Variants in STK3 observed in about 807,000 individuals in gnomAD.
The protein encoded by STK3 is serine/threonine-protein kinase 3.
Under a neutral mutation model 58.0 loss-of-function variants are expected in STK3, and 41 were observed. That is an observed-to-expected ratio of 0.71 (90% CI 0.55 to 0.92). The LOEUF is 0.92. Among genes scored for constraint, STK3 ranks in the 40% least tolerant of loss-of-function variants. The pLI is 0.00. For synonymous variants in STK3, 170 were observed against 191.0 expected (o/e 0.89, Z 0.91); for missense variants, 479 against 602.7 (o/e 0.79, Z 2.15).
chr8:98,416,105 C>T (rs147400469), intron 3 of STK3, among the ~76,000 whole-genome samples: 2 of 152,302 alleles, frequency 1.3e-5, no homozygotes, highest in African/African-American at 4.8e-5. Flanking sequence ...CCATTCAATG[C>T]TCTGGCCCAT....
intron 6 of STK3, among the ~76,000 whole-genome samples, chr8:98,659,071 G>C (rs970769091): frequency 3.0e-4 from 45 of 151,926 alleles, no homozygotes; most frequent in African/African-American, 1.0e-3. Flanking sequence ...ATATACCCTA[G>C]GTGTACAGAC....
intron 8 of STK3, among the ~76,000 whole-genome samples, chr8:98,574,844 A>C (rs561513741): frequency 6.6e-6 from 1 of 152,296 alleles, no homozygotes; most frequent in South Asian, 2.1e-4. Context: ...AACTATCCTG[A>C]GGTAGGAATA....
chr8:98,662,248 A>G (rs926107075), intron 6 of STK3, among the ~76,000 whole-genome samples: 1 of 152,202 alleles, frequency 6.6e-6, no homozygotes, highest in African/African-American at 2.4e-5. Context: ...TTTACTTTGT[A>G]ATCAGTAAAA....
At chr8:98,525,130 G>A (rs963498587) in intron 10 of STK3, among the ~76,000 whole-genome samples, 3 of 152,140 alleles carry the variant, frequency 2.0e-5, no homozygotes, top group African/African-American at 7.2e-5. Flanking sequence ...CAACATGGAT[G>A]GAACTGGTAG....
intron 4 of STK3, among the ~76,000 whole-genome samples, chr8:98,745,309 G>T (rs1002919000): frequency 5.3e-5 from 8 of 152,284 alleles, no homozygotes; most frequent in African/African-American, 1.7e-4. Flanking sequence ...AACTGGATTT[G>T]TCAGTGTCTT....
intron 6 of STK3, chr8:98,601,450 C>CT (rs1388056041): frequency 6.6e-5 from 10 of 152,108 alleles, no homozygotes; most frequent in African/African-American, 2.4e-4. Flanking sequence ...ACTTAAAGAA[C>CT]TTTATCACAA....
chr8:98,767,458 C>A, intron 2 of STK3, 87 bp from the exon 3 acceptor site: 1 of 1,258,310 alleles, frequency 7.9e-7, no homozygotes, highest in Non-Finnish European at 1.1e-6. Flanking sequence ...TGTGGATAGT[C>A]TTTTCTAGTT....
At chr8:98,641,912 T>C (rs1033173017) in intron 6 of STK3, among the ~76,000 whole-genome samples, 1 of 152,182 alleles carries the variant, frequency 6.6e-6, no homozygotes, top group African/African-American at 2.4e-5. Flanking sequence ...TTGTCTTTCT[T>C]AGAGGTAAAT....
intron 6 of STK3, among the ~76,000 whole-genome samples, chr8:98,622,808 A>C (rs1192251121): frequency 1.3e-5 from 2 of 152,250 alleles, no homozygotes; most frequent in Non-Finnish European, 2.9e-5. Context: ...TAAGAAATAG[A>C]AATTGCTCTG....
chr8:98,546,370 G>A lies in STK3; in HGVS notation c.1141+1599C>T, dbSNP rs374231567. Reference sequence around the variant, plus strand: ...ATCTAAATGAATTAGATTCTATAAAGACTCATTTTTCTTAACTATTATATA... The same window carrying A: ...ATCTAAATGAATTAGATTCTATAAAAACTCATTTTTCTTAACTATTATATA... On this transcript the variant is annotated intron_variant, in intron 9 of 10. Coordinates refer to ENST00000419617, the MANE Select transcript of STK3 (RefSeq NM_006281.4). 9.9e-5 allele frequency among the ~76,000 whole-genome samples: 15 copies of A among 152,064 alleles called. No homozygotes were observed. The East Asian group carries it at 2.5e-3, about 25-fold the overall frequency.
intron 6 of STK3, among the ~76,000 whole-genome samples, chr8:98,679,298 C>T (rs1014997876): frequency 6.6e-6 from 1 of 152,152 alleles, no homozygotes; most frequent in African/African-American, 2.4e-5. Flanking sequence ...ATGCACACTC[C>T]CACTTCAGCA....
At chr8:98,874,059 A>C (rs1837476281) in intron 3 of STK3, among the ~76,000 whole-genome samples, 1 of 152,128 alleles carries the variant, frequency 6.6e-6, no homozygotes, top group Admixed American at 6.5e-5. Context: ...GTCTCTCAGC[A>C]TTTGTTGGTC....
intron 10 of STK3, among the ~76,000 whole-genome samples, chr8:98,495,733 A>C (rs1823080181): frequency 6.6e-6 from 1 of 152,216 alleles, no homozygotes; most frequent in African/African-American, 2.4e-5. Flanking sequence ...ATATGCTTTT[A>C]TAGCAACAGA....
intron 3 of STK3, among the ~76,000 whole-genome samples, chr8:98,866,803 A>G (rs1385655377): frequency 6.6e-6 from 1 of 152,228 alleles, no homozygotes; most frequent in Non-Finnish European, 1.5e-5. Context: ...TCCTACCGGT[A>G]GCTGGTCCTT....
intron 6 of STK3, among the ~76,000 whole-genome samples, chr8:98,701,365 C>A (rs977168845): frequency 3.3e-5 from 5 of 152,132 alleles, no homozygotes; most frequent in African/African-American, 1.2e-4. Flanking sequence ...CGCCTATAAT[C>A]CCAGTACTTT....
intron 7 of STK3, among the ~76,000 whole-genome samples, chr8:98,588,508 C>A (rs1814897649): frequency 6.6e-6 from 1 of 151,802 alleles, no homozygotes; most frequent in African/African-American, 2.4e-5. Flanking sequence ...GTAACCCGAC[C>A]TTTCTCTCTG....
intron 1 of STK3, among the ~76,000 whole-genome samples, chr8:98,939,221 C>T (rs1173083514): frequency 1.3e-5 from 2 of 152,176 alleles, no homozygotes; most frequent in Non-Finnish European, 2.9e-5. Flanking sequence ...GAGGTAGGGA[C>T]GGAGGAGGAG....
chr8:98,420,034 G>A (rs1329956664), intron 3 of STK3, among the ~76,000 whole-genome samples: 1 of 152,178 alleles, frequency 6.6e-6, no homozygotes, highest in Non-Finnish European at 1.5e-5. Context: ...CATAACACAA[G>A]CAAGAAATCA....
intron 4 of STK3, among the ~76,000 whole-genome samples, chr8:98,726,044 C>T (rs1827771633): frequency 6.6e-6 from 1 of 152,166 alleles, no homozygotes; most frequent in Non-Finnish European, 1.5e-5. Flanking sequence ...ACCACTGTTA[C>T]AGCGTGCTAT....
Sources: gnomAD v4.1 joint callset for allele counts (sites outside exome capture counted in the v4.1 genomes callset) on GRCh38, gnomAD v4.1.1 for gene constraint, MANE v1.5 for transcripts, NCBI Gene and HGNC (gene_info 2026-07-23, HGNC 2026-07-21) for gene names.